CNGA4: variants seen among roughly 807,000 people sequenced by gnomAD.
The protein encoded by CNGA4 is cyclic nucleotide-gated channel alpha-4.
CNGA4 carries 32 observed loss-of-function variants against 45.6 expected under a neutral mutation model. That is an observed-to-expected ratio of 0.70 (90% CI 0.53 to 0.94). CNGA4 has a LOEUF of 0.94. CNGA4 is among the 40% of genes least tolerant of loss of function. The pLI is 0.00. For missense variants in CNGA4, 726 were observed against 755.1 expected, an observed-to-expected ratio of 0.96 and a Z score of 0.45; for synonymous variants, 293 against 304.6, an observed-to-expected ratio of 0.96 and a Z score of 0.40.
chr11:6,241,822 G>A (rs1228815723), intron 5 of CNGA4, 42 bp downstream of exon 5: 4 of 1,578,684 alleles, frequency 2.5e-6, no homozygotes, highest in Admixed American at 1.7e-5. Flanking sequence ...GGATGGGTGG[G>A]GTAGGGGGGA....
At position 6,244,129 on chromosome 11, in the gene CNGA4, A is replaced by G. The variant is rs1358065216; in HGVS notation, c.1448A>G (p.Glu483Gly). The G allele has an allele frequency of 6.2e-7, 1 of 1,614,116 alleles. No homozygotes were observed. The highest frequency in any genetic ancestry group is 1.1e-5 in the South Asian group (1 of 91,090). Residue 483 changes from glutamate (E) to glycine (G), a missense_variant, in exon 6 of 6, where the codon GAG becomes GGG. Coordinates refer to ENST00000379936, the MANE Select transcript of CNGA4 (RefSeq NM_001037329.4). This position sits in a 1 kb window ranked among gnomAD's most constrained non-coding sequence, Gnocchi z 4.5. ...LKMNKLDVNAEAAEIALQEAT... is the reference protein window; with the variant it reads ...LKMNKLDVNAGAAEIALQEAT... The stretch of plus-strand genomic sequence containing the variant: ...ATGAACAAGTTGGACGTGAATGCTG[A>G]GGCAGCTGAGATCGCCCTGCAGGAG...
chr11:6,244,511 C>A, downstream of CNGA4: 1 of 1,168,120 alleles, frequency 8.6e-7, no homozygotes, highest in Non-Finnish European at 1.2e-6. The surrounding 1 kb of genome is among the most constrained non-coding windows in gnomAD (Gnocchi z 4.5). Flanking sequence ...ATCACAGACA[C>A]AGGAGCGAAT....
chr11:6,242,265 A>G (rs565478988), intron 5 of CNGA4, among the ~76,000 whole-genome samples: 117 of 152,170 alleles, frequency 7.7e-4, no homozygotes, highest in African/African-American at 2.7e-3. Flanking sequence ...ACAGGTATAC[A>G]CATGTGGGAT....
chr11:6,237,391 C>T (rs1000423783), upstream of CNGA4, among the ~76,000 whole-genome samples: 4 of 151,992 alleles, frequency 2.6e-5, no homozygotes, highest in Non-Finnish European at 5.9e-5. Context: ...CCGCGGGATA[C>T]CCAAGTAGGA....
intron 5 of CNGA4, 162 bp downstream of exon 5, chr11:6,241,942 T>C (rs1236613517): frequency 1.6e-6 from 1 of 635,914 alleles, no homozygotes; most frequent in South Asian, 1.9e-5. Context: ...AAACAACACA[T>C]AGAGGATCCA....
chr11:6,241,782 T>G lies in CNGA4; in HGVS notation c.1267+2T>G. The G allele has an allele frequency of 1.2e-6, 2 of 1,613,104 alleles. No homozygotes were observed. Among genetic ancestry groups the G allele is most frequent in the Admixed American group, 1.7e-5 (1 of 59,986 alleles). ...AGATCAGCATCATCAACATCAAAGG[T>G]GGGTATCCCAGTATTTGTTCCAGGG... On this transcript the variant is annotated splice_donor_variant, in intron 5 of 5. Coordinates refer to ENST00000379936, the MANE Select transcript of CNGA4 (RefSeq NM_001037329.4). LOFTEE classifies it high-confidence loss of function.
At chr11:6,239,877 C>A in intron 3 of CNGA4, 87 bp downstream of exon 3, 1 of 1,414,852 alleles carries the variant, frequency 7.1e-7, no homozygotes, top group Non-Finnish European at 9.8e-7. Flanking sequence ...GGCACCCCCA[C>A]CGTGGTAGCA....
Position 6,241,659 on chromosome 11 carries a change from C to T in CNGA4, c.1146C>T (p.Gly382=). The change falls in exon 5 of 6, where the codon GGC becomes GGT. Residue 382 remains glycine, a synonymous_variant. Coordinates refer to ENST00000379936, the MANE Select transcript of CNGA4 (RefSeq NM_001037329.4). Reference sequence around the variant, plus strand: ...ATGTATGCCGCAAAGGAGACATTGGCCAAGAGATGTACATCATCCGAGAGG... The same window carrying T: ...ATGTATGCCGCAAAGGAGACATTGGTCAAGAGATGTACATCATCCGAGAGG... ...GEYVCRKGDI[G]QEMYIIREGQ... The T allele has an allele frequency of 1.2e-6, 2 of 1,614,188 alleles. No individual in the cohort carries two copies. The highest frequency in any genetic ancestry group is 1.6e-4 in the Middle Eastern group (1 of 6,062).
In CNGA4 at chr11:6,240,010, G is replaced by A. The variant is rs112963161; in HGVS notation, c.272-56G>A. On this transcript the variant is annotated intron_variant, in intron 3 of 5. Coordinates refer to ENST00000379936, the MANE Select transcript of CNGA4 (RefSeq NM_001037329.4). The surrounding 1 kb of genome is among the most constrained non-coding windows in gnomAD (Gnocchi z 4.9). ...CCCTGGCCTGCCCTGGGCAGCTCAT[G>A]CTCAGCCCAAGCTTGACTACAGCAG... is the stretch of plus-strand genomic sequence containing the variant. The A allele has an allele frequency of 2.2e-4, 346 of 1,555,478 alleles. No homozygotes were observed. The highest frequency in any genetic ancestry group is 8.8e-4 in the Middle Eastern group (5 of 5,704).
At position 6,244,403 on chromosome 11, in the gene CNGA4, A is replaced by G. The variant is rs1342185349; in HGVS notation, c.1722A>G (p.Pro574=). 3 of 1,608,698 alleles carry G rather than the reference A, an allele frequency of 1.9e-6. No individual in the cohort carries two copies. The highest frequency in any genetic ancestry group is 1.1e-5 in the South Asian group (1 of 90,356). ...GRASQEGPPG[P]E ...CCAGCCAGGAGGGACCCCCAGGTCC[A>G]GAGTGACCCCATCCCCATCCCCAGG... The change falls in exon 6 of 6, where the codon CCA becomes CCG. Residue 574 remains proline (P), a synonymous_variant. Transcript: ENST00000379936. The surrounding 1 kb of genome is among the most constrained non-coding windows in gnomAD (Gnocchi z 4.5).
chr11:6,240,050 G>A lies in CNGA4; in HGVS notation c.272-16G>A. 1 of 1,590,662 alleles carries A rather than the reference G, an allele frequency of 6.3e-7. No individual in the cohort carries two copies. The highest frequency in any genetic ancestry group is 1.1e-5 in the South Asian group (1 of 87,074). ...GACTACAGCAGGTCCGCTTCCTACC[G>A]GCTCCCTCTCCCCAGGATTCTTGGA... is the stretch of plus-strand genomic sequence containing the variant. On this transcript the variant is annotated splice_polypyrimidine_tract_variant and intron_variant, in intron 3 of 5. Coordinates refer to ENST00000379936, the MANE Select transcript of CNGA4 (RefSeq NM_001037329.4). The surrounding 1 kb of genome is among the most constrained non-coding windows in gnomAD (Gnocchi z 4.9).
chr11:6,236,080 TG>T (rs5789450), upstream of CNGA4, among the ~76,000 whole-genome samples: 96,208 of 152,108 alleles, frequency 0.63, 32,803 homozygotes, highest in East Asian at 0.8. Context: ...GTATTATTTT[TG>T]CAACTTTTCT....
Position 6,239,144 on chromosome 11 carries a change from A to G in CNGA4, c.-63A>G. ...CAGTCAGGCACTAGTGCCCAACTCC[A>G]GAAGTCCCCTACAGGCAGAGAGGGT... On this transcript the variant is annotated 5_prime_UTR_variant, in exon 1 of 6. Transcript: ENST00000379936. The G allele has an allele frequency of 2.5e-6, 4 of 1,611,420 alleles. No individual in the cohort carries two copies. The highest frequency in any genetic ancestry group is 3.4e-6 in the Non-Finnish European group (4 of 1,179,566).
intron 3 of CNGA4, 58 bp downstream of exon 3, chr11:6,239,848 C>T (rs1847885585): frequency 3.3e-6 from 5 of 1,534,430 alleles, no homozygotes; most frequent in East Asian, 4.7e-5. Context: ...AAGATAGCCA[C>T]TTAAGAAGTA....
chr11:6,243,993 G>T lies in CNGA4; in HGVS notation c.1312G>T (p.Gly438Cys). 2 of 1,614,068 alleles carry T rather than the reference G, an allele frequency of 1.2e-6. No homozygotes were observed. Among genetic ancestry groups the T allele is most frequent in the Non-Finnish European group, 1.7e-6 (2 of 1,180,010 alleles). ...NRRTANIKSL[G>C]YSDLFCLSKE... ...CCGCACAGCCAACATCAAGAGCCTA[G>T]GTTATTCAGACCTATTCTGCCTGAG... Residue 438 changes from glycine to cysteine, a missense_variant, in exon 6 of 6, where the codon GGT becomes TGT. Gly to Cys is a radical substitution (Grantham distance 159). Coordinates refer to ENST00000379936, the MANE Select transcript of CNGA4 (RefSeq NM_001037329.4).
Position 6,240,532 on chromosome 11 carries a change from C to T in CNGA4, c.738C>T (p.Phe246=), listed in dbSNP as rs1235325647. The T allele has an allele frequency of 3.7e-6, 6 of 1,614,132 alleles. No homozygotes were observed. In the African/African-American group the frequency reaches 6.7e-5, roughly 18 times the overall value. The change falls in exon 4 of 6, where the codon TTC becomes TTT. Residue 246 remains phenylalanine (F), a synonymous_variant. Coordinates refer to ENST00000379936, the MANE Select transcript of CNGA4 (RefSeq NM_001037329.4). This position sits in a 1 kb window ranked among gnomAD's most constrained non-coding sequence, Gnocchi z 4.9. ...PPPAREEEYL[F]MVGDFLLAVM... ...CAGCCAGGGAAGAAGAGTACCTCTTCATGGTGGGCGACTTCCTGCTGGCCG... is the reference window on the plus strand; with the variant it reads ...CAGCCAGGGAAGAAGAGTACCTCTTTATGGTGGGCGACTTCCTGCTGGCCG...
Position 6,241,563 on chromosome 11 carries a change from G to A in CNGA4, c.1050G>A (p.Gln350=). The change falls in exon 5 of 6, where the codon CAG becomes CAA. Residue 350 remains glutamine, a synonymous_variant. Coordinates refer to ENST00000379936, the MANE Select transcript of CNGA4 (RefSeq NM_001037329.4). ...CTCTGAGCCGGGTGCAGATCTTTCA[G>A]AACTGTGAGGCCAGCCTGCTGGAGG... is the stretch of plus-strand genomic sequence containing the variant. ...LSTLSRVQIF[Q]NCEASLLEEL... 1 of 1,614,202 alleles carries A rather than the reference G, an allele frequency of 6.2e-7. No homozygotes were observed. The highest frequency in any genetic ancestry group is 8.5e-7 in the Non-Finnish European group (1 of 1,180,040).
chr11:6,239,339 TTGAATGCCTGG>T, intron 1 of CNGA4, 34 bp from the exon 2 acceptor site: 1 of 1,612,852 alleles, frequency 6.2e-7, no homozygotes, highest in Non-Finnish European at 8.5e-7. Flanking sequence ...AACTACAGCT[TTGAATGCCTGG>T]TGAATAAATG....
upstream of CNGA4, among the ~76,000 whole-genome samples, chr11:6,235,246 C>CAT (rs769277580): frequency 1.3e-4 from 20 of 152,200 alleles, 1 homozygote; most frequent in East Asian, 1.5e-3. Context: ...CATCGTCGTG[C>CAT]ATAGCTTGGT....
Sources: allele counts gnomAD v4.1 joint callset (sites outside exome capture counted in the v4.1 genomes callset), GRCh38; gene constraint gnomAD v4.1.1; non-coding constraint Gnocchi (gnomAD v3.1); transcripts MANE v1.5; gene names NCBI Gene and HGNC (gene_info 2026-07-23, HGNC 2026-07-21).